TJP3: variants seen among roughly 807,000 people sequenced by gnomAD.
The protein encoded by TJP3 is tight junction protein 3.
A neutral mutation model predicts 104.2 loss-of-function variants in TJP3; 85 were observed. The ratio of observed to expected loss-of-function variants is 0.82; its 90% CI spans 0.68 to 0.98. TJP3 has a LOEUF of 0.98. TJP3 is among the 50% of genes least tolerant of loss of function. TJP3 has a pLI of 0.00. For missense variants in TJP3, 1,367 were observed against 1,322.8 expected (o/e 1.03, Z -0.52); for synonymous variants, 550 against 550.6 (o/e 1.00, Z 0.02).
chr19:3,711,206 A>AT lies in TJP3; in HGVS notation c.-10+2654dup, dbSNP rs1411909900. On this transcript the variant is annotated intron_variant, in intron 1 of 20. Transcript: ENST00000541714. ...GAGCCACCATGCCCGGCCTTATTTT[A>AT]TTTTTTTTTGAGATGGAGTCTCGCT... 2.5e-4 allele frequency among the ~76,000 whole-genome samples: 13 copies of AT among 52,306 alleles called. 4 individuals are homozygous for AT. Among genetic ancestry groups the AT allele is most frequent in the Admixed American group, 5.4e-4 (2 of 3,710 alleles). 34.3% of individuals were successfully genotyped at this position (52,306 alleles called of 152,430 possible). A position where few individuals can be genotyped will look rare whatever the true frequency, so the allele number is the denominator to read the frequency against.
In TJP3 at chr19:3,709,316, G is replaced by A. The variant is rs1411856848; in HGVS notation, c.-10+755G>A. Among the ~76,000 whole-genome samples the A allele has an allele frequency of 3.9e-5, 6 of 152,110 alleles. No homozygotes were observed. The East Asian group carries it at 5.8e-4, about 15-fold the overall frequency. ...TCACCATGTTGGCCAGGCTGGTCTC[G>A]AACTCCTGACCTCAGGTGATCCAAC... On this transcript the variant is annotated intron_variant, in intron 1 of 20. Coordinates refer to ENST00000541714, the MANE Select transcript of TJP3 (RefSeq NM_001267560.2).
At chr19:3,740,379 CTT>C (rs1185250058) in intron 13 of TJP3, among the ~76,000 whole-genome samples, 171 bp from the exon 14 acceptor site, 1 of 152,162 alleles carries the variant, frequency 6.6e-6, no homozygotes, top group Non-Finnish European at 1.5e-5. Flanking sequence ...CAGAGCAAGA[CTT>C]TGTCTCAAAA....
chr19:3,716,074 C>T (rs533405911), intron 1 of TJP3, among the ~76,000 whole-genome samples: 2 of 145,522 alleles, frequency 1.4e-5, no homozygotes, highest in Non-Finnish European at 3.1e-5. Flanking sequence ...CCACCACGCC[C>T]GACTTGTTTT....
intron 6 of TJP3, 110 bp downstream of exon 6, chr19:3,732,148 C>A: frequency 1.2e-6 from 1 of 827,234 alleles, no homozygotes; most frequent in South Asian, 2.0e-5. Flanking sequence ...AAAGCATTTA[C>A]CTTCAGTGTT....
At chr19:3,717,246 C>T (rs11085036) in intron 1 of TJP3, among the ~76,000 whole-genome samples, 2,560 of 145,262 alleles carry the variant, frequency 0.018, 127 homozygotes, top group African/African-American at 0.06. Flanking sequence ...ATTACAGGCA[C>T]GAGCCACCAC....
At chr19:3,718,843 A>G (rs1346620330) in intron 1 of TJP3, among the ~76,000 whole-genome samples, 3 of 152,068 alleles carry the variant, frequency 2.0e-5, no homozygotes, top group Non-Finnish European at 4.4e-5. Context: ...GTAGGGAATG[A>G]TGTGTTTTTC....
intron 1 of TJP3, among the ~76,000 whole-genome samples, chr19:3,711,736 C>CAAAAAAAA (rs1450285054): frequency 1.2e-4 from 3 of 24,650 alleles, no homozygotes; most frequent in African/African-American, 2.4e-4. Context: ...ACTAAAAGTA[C>CAAAAAAAA]AAAAAAAAAA....
intron 3 of TJP3, 48 bp from the exon 4 acceptor site, chr19:3,729,980 G>C: frequency 5.9e-6 from 9 of 1,536,234 alleles, no homozygotes; most frequent in Non-Finnish European, 8.1e-6. Context: ...TTGTTACGAG[G>C]GTCTCCCCTG....
Position 3,738,902 on chromosome 19 carries a change from T to C in TJP3, c.1399T>C (p.Trp467Arg). Reference protein sequence around the residue: ...LVTQRKQDIFWKMVQSRVGDS... With the variant: ...LVTQRKQDIFRKMVQSRVGDS... ...TGGCCTCCCGCTCTCCCCAGTTTTCTGGAAAATGGTGCAGTCCCGCGTGGG... is the reference window on the plus strand; with the variant it reads ...TGGCCTCCCGCTCTCCCCAGTTTTCCGGAAAATGGTGCAGTCCCGCGTGGG... The change falls in exon 13 of 21, where the codon TGG becomes CGG. Residue 467 changes from tryptophan to arginine, a missense_variant. Coordinates refer to ENST00000541714, the MANE Select transcript of TJP3 (RefSeq NM_001267560.2). The C allele has an allele frequency of 1.3e-6, 2 of 1,586,558 alleles. No homozygotes were observed. Among genetic ancestry groups the C allele is most frequent in the African/African-American group, 2.7e-5 (2 of 74,620 alleles).
intron 14 of TJP3, among the ~76,000 whole-genome samples, chr19:3,742,969 A>G (rs2036842839): frequency 6.6e-6 from 1 of 150,384 alleles, no homozygotes; most frequent in Non-Finnish European, 1.5e-5. Flanking sequence ...TCTGTCTCAA[A>G]AAAATAAGTA....
At position 3,728,450 on chromosome 19, in the gene TJP3, C is replaced by T. The variant is rs1474927693; in HGVS notation, c.18C>T (p.Ile6=). 2 of 1,614,010 alleles carry T rather than the reference C, an allele frequency of 1.2e-6. No individual in the cohort carries two copies. Among genetic ancestry groups the T allele is most frequent in the African/African-American group, 2.7e-5 (2 of 75,064 alleles). Residue 6 remains isoleucine, a synonymous_variant, in exon 2 of 21, where the codon ATC becomes ATT. Transcript: ENST00000541714. MEELT[I]WEQHTATLSK... ...TGGCTGACATGGAGGAGCTGACCAT[C>T]TGGGAACAGCACACGGCCACACTGT...
Position 3,713,387 on chromosome 19 carries a change from G to C in TJP3, c.-10+4826G>C, listed in dbSNP as rs558802110. On this transcript the variant is annotated intron_variant, in intron 1 of 20. Coordinates refer to ENST00000541714, the MANE Select transcript of TJP3 (RefSeq NM_001267560.2). ...CTGGTCCCCAATGTCCCCACATTGAGAGTTATTCTGCAAAAGACCTGCCCA... is the reference window on the plus strand; with the variant it reads ...CTGGTCCCCAATGTCCCCACATTGACAGTTATTCTGCAAAAGACCTGCCCA... Among the ~76,000 whole-genome samples the C allele has an allele frequency of 3.5e-4, 53 of 152,342 alleles. No homozygotes were observed. In the South Asian group the frequency reaches 0.011, roughly 31 times the overall value.
At position 3,743,725 on chromosome 19, in the gene TJP3, A is replaced by T. The variant is rs552408623; in HGVS notation, c.1844-214A>T. On this transcript the variant is annotated intron_variant, in intron 14 of 20. Coordinates refer to ENST00000541714, the MANE Select transcript of TJP3 (RefSeq NM_001267560.2). The stretch of plus-strand genomic sequence containing the variant: ...TTGAAGGCGGAACCCAGAAATGTAC[A>T]CATCAATTCTGCTAGTGTTCCATTG... The T allele has an allele frequency of 1.7e-4, 86 of 519,430 alleles. 1 individual carries two copies. The South Asian group carries it at 2.2e-3, about 13-fold the overall frequency. The allele number at this position is 519,430 out of a possible 1,614,324, so 32.2% of individuals were successfully genotyped here.
intron 1 of TJP3, among the ~76,000 whole-genome samples, chr19:3,727,725 C>T (rs190301756): frequency 2.6e-5 from 4 of 152,022 alleles, no homozygotes; most frequent in Admixed American, 1.3e-4. Context: ...GGTGAAATCC[C>T]GTCTCTACTA....
chr19:3,732,513 T>C (rs1279670444), intron 6 of TJP3, among the ~76,000 whole-genome samples: 1 of 145,772 alleles, frequency 6.9e-6, no homozygotes, highest in African/African-American at 2.4e-5. Context: ...GTTATCTGTT[T>C]CTTTTTTTTT....
intron 10 of TJP3, 82 bp from the exon 11 acceptor site, chr19:3,736,083 T>TG: frequency 4.6e-6 from 7 of 1,529,992 alleles, no homozygotes; most frequent in East Asian, 2.3e-5. Context: ...CTGGAGGGGG[T>TG]GGGGGCTTTC....
intron 1 of TJP3, among the ~76,000 whole-genome samples, chr19:3,718,523 C>T (rs1205368534): frequency 1.3e-5 from 2 of 150,628 alleles, no homozygotes; most frequent in African/African-American, 4.9e-5. Flanking sequence ...GGCTGGAGTG[C>T]AGTGGCGCAA....
At chr19:3,735,292 C>T (rs1309575962) in intron 8 of TJP3, among the ~76,000 whole-genome samples, 5 of 152,206 alleles carry the variant, frequency 3.3e-5, no homozygotes, top group South Asian at 4.1e-4. Flanking sequence ...CTCTGCCTCC[C>T]GGGTTCAAGC....
At chr19:3,731,201 G>A (rs745740438) in intron 5 of TJP3, among the ~76,000 whole-genome samples, 21 of 152,054 alleles carry the variant, frequency 1.4e-4, no homozygotes, top group African/African-American at 3.6e-4. Context: ...ACATGTCCCC[G>A]CGCTGATCCC....
Sources: gnomAD v4.1 joint callset for allele counts (sites outside exome capture counted in the v4.1 genomes callset) on GRCh38, gnomAD v4.1.1 for gene constraint, MANE v1.5 for transcripts, NCBI Gene and HGNC (gene_info 2026-07-23, HGNC 2026-07-21) for gene names.